NRG1: variants seen among roughly 807,000 people sequenced by gnomAD.
The protein encoded by NRG1 is neuregulin 1.
In NRG1, 18 loss-of-function variants were observed where a neutral mutation model predicts 63.8. The ratio of observed to expected loss-of-function variants is 0.28; its 90% CI spans 0.19 to 0.42. The LOEUF (loss-of-function observed/expected upper bound fraction) is 0.42. NRG1 is among the 10% of genes least tolerant of loss of function. The pLI, the probability that NRG1 is intolerant of heterozygous loss-of-function variation, is 1.00. For missense variants in NRG1, 762 were observed against 814.7 expected, an observed-to-expected ratio of 0.94 and a Z score of 0.79; for synonymous variants, 302 against 301.3, an observed-to-expected ratio of 1.00 and a Z score of -0.02.
intron 1 of NRG1, among the ~76,000 whole-genome samples, chr8:32,197,928 C>G (rs1036501125): frequency 6.6e-6 from 1 of 152,146 alleles, no homozygotes; most frequent in African/African-American, 2.4e-5. Context: ...CAGATCATTT[C>G]CCCTGTACTC....
intron 1 of NRG1, among the ~76,000 whole-genome samples, chr8:32,042,961 A>AGTGT (rs111850977): frequency 0.014 from 1,963 of 139,994 alleles, 45 homozygotes; most frequent in African/African-American, 0.048. Context: ...GAAAGAGTGC[A>AGTGT]GTGTGTGTGT....
chr8:32,421,365 C>T (rs1816681150), intron 1 of NRG1, among the ~76,000 whole-genome samples: 1 of 152,192 alleles, frequency 6.6e-6, no homozygotes, highest in African/African-American at 2.4e-5. Context: ...TTGCCTACTC[C>T]TGGCATACCA....
At chr8:32,359,316 T>C (rs1806912522) in intron 1 of NRG1, among the ~76,000 whole-genome samples, 1 of 152,210 alleles carries the variant, frequency 6.6e-6, no homozygotes, top group Admixed American at 6.5e-5. Flanking sequence ...CATATGCAGA[T>C]TGATCTTAGT....
rs191756228 is a variant in NRG1 at position 32,633,660 on chromosome 8, T to G, written c.502+16775T>G. Among the ~76,000 whole-genome samples, 229 of 152,334 alleles carry G rather than the reference T, an allele frequency of 1.5e-3. 1 individual carries two copies. The highest frequency in any genetic ancestry group is 5.3e-3 in the African/African-American group (220 of 41,582). On this transcript the variant is annotated intron_variant, in intron 5 of 11. Transcript: ENST00000356819. ...GACTCTTACTTCTGAAGTCTGCCTTTGTGCCCACCTAAGATTAGGAAAACT... is the reference window on the plus strand; with the variant it reads ...GACTCTTACTTCTGAAGTCTGCCTTGGTGCCCACCTAAGATTAGGAAAACT...
intron 1 of NRG1, among the ~76,000 whole-genome samples, chr8:32,509,492 G>A (rs1156848078): frequency 6.6e-6 from 1 of 152,072 alleles, no homozygotes; most frequent in Non-Finnish European, 1.5e-5. Context: ...AGCTAGTGTC[G>A]GCAGCCTGAG....
At chr8:32,511,692 G>T (rs530200822) in intron 1 of NRG1, among the ~76,000 whole-genome samples, 1 of 152,112 alleles carries the variant, frequency 6.6e-6, no homozygotes, top group East Asian at 1.9e-4. Flanking sequence ...GCAATGGCTT[G>T]TATTTGAGTC....
At chr8:31,993,468 C>T (rs1403347400) in intron 1 of NRG1, among the ~76,000 whole-genome samples, 1 of 151,922 alleles carries the variant, frequency 6.6e-6, no homozygotes, top group African/African-American at 2.4e-5. Flanking sequence ...ATCATGGGGG[C>T]AGTTTCCCCC....
At chr8:31,884,961 T>G (rs1296316616) in intron 1 of NRG1, among the ~76,000 whole-genome samples, 1 of 152,122 alleles carries the variant, frequency 6.6e-6, no homozygotes, top group Admixed American at 6.6e-5. Context: ...TTTGTAAAAA[T>G]GCACATCAGT....
chr8:31,878,673 A>T (rs1325335068), intron 1 of NRG1, among the ~76,000 whole-genome samples: 1 of 152,158 alleles, frequency 6.6e-6, no homozygotes, highest in Non-Finnish European at 1.5e-5. Context: ...GCTGCAGTCT[A>T]ATTTGTAAGA....
At chr8:32,254,558 AT>A (rs2129471002) in intron 1 of NRG1, among the ~76,000 whole-genome samples, 2 of 152,026 alleles carry the variant, frequency 1.3e-5, no homozygotes, top group African/African-American at 4.8e-5. Flanking sequence ...TATGATTTCC[AT>A]TCCTTTGTGT....
intron 4 of NRG1, among the ~76,000 whole-genome samples, chr8:32,616,596 T>G (rs138384550): frequency 1.3e-3 from 192 of 152,264 alleles, no homozygotes; most frequent in African/African-American, 4.0e-3. Flanking sequence ...GTGTGGGATA[T>G]TCTTACAGAT....
upstream of NRG1, among the ~76,000 whole-genome samples, chr8:32,545,476 GTT>G (rs33978908): frequency 6.7e-5 from 10 of 149,340 alleles, no homozygotes; most frequent in Admixed American, 3.3e-4. Flanking sequence ...ATACAATTGG[GTT>G]TTTTTTTTAA....
At chr8:32,267,070 A>G (rs73580307) in intron 1 of NRG1, among the ~76,000 whole-genome samples, 29,685 of 148,604 alleles carry the variant, frequency 0.2, 3,620 homozygotes, top group East Asian at 0.58. Flanking sequence ...GAAAGAAAAA[A>G]AGAAAGAGAG....
chr8:32,219,624 C>T (rs991197399), intron 1 of NRG1, among the ~76,000 whole-genome samples: 1 of 152,184 alleles, frequency 6.6e-6, no homozygotes, highest in African/African-American at 2.4e-5. Flanking sequence ...GAAACACTGG[C>T]AAATGCTTAA....
At chr8:32,589,783 A>T (rs1224724719) in intron 1 of NRG1, among the ~76,000 whole-genome samples, 1 of 152,222 alleles carries the variant, frequency 6.6e-6, no homozygotes, top group African/African-American at 2.4e-5. Context: ...AAATAAGGGC[A>T]CAGTAGATGA....
At chr8:32,372,000 T>TC (rs1808942108) in intron 1 of NRG1, among the ~76,000 whole-genome samples, 1 of 145,612 alleles carries the variant, frequency 6.9e-6, no homozygotes, top group African/African-American at 2.5e-5. Context: ...TCATTTTTTT[T>TC]TTTTTTTTAA....
chr8:32,080,310 G>A (rs1947733), intron 1 of NRG1, among the ~76,000 whole-genome samples: 152,287 of 152,288 alleles, frequency 1, 76,143 homozygotes, highest in Non-Finnish European at 1. Context: ...TGAAGGAAAG[G>A]CTAAGGAAAA....
intron 1 of NRG1, among the ~76,000 whole-genome samples, chr8:32,551,559 G>C (rs1588239415): frequency 6.6e-6 from 1 of 152,130 alleles, no homozygotes; most frequent in Admixed American, 6.5e-5. Context: ...CTTTCATATG[G>C]CATGAGTGAC....
At chr8:32,535,889 G>C in intron 1 of NRG1, among the ~76,000 whole-genome samples, 1 of 152,134 alleles carries the variant, frequency 6.6e-6, no homozygotes, top group African/African-American at 2.4e-5. Context: ...AAAGTAAAAT[G>C]CCTGCCCAAA....
Sources: allele counts gnomAD v4.1 joint callset (sites outside exome capture counted in the v4.1 genomes callset), GRCh38; gene constraint gnomAD v4.1.1; transcripts MANE v1.5; gene names NCBI Gene and HGNC (gene_info 2026-07-23, HGNC 2026-07-21).